The following HIVEP3 variants were observed in gnomAD, a reference collection of about 807,000 sequenced individuals.
HIVEP3 encodes the protein HIVEP zinc finger 3.
A neutral mutation model predicts 152.8 loss-of-function variants in HIVEP3; 49 were observed. The observed-to-expected ratio is 0.32, with a 90% CI of 0.26 to 0.41. The LOEUF is 0.41. Among genes scored for constraint, HIVEP3 ranks in the 10% least tolerant of loss-of-function variants. HIVEP3 has a pLI of 1.00. For synonymous variants in HIVEP3, 1,269 were observed against 1,289.0 expected, an observed-to-expected ratio of 0.98 and a Z score of 0.33; for missense variants, 2,790 against 3,103.3, an observed-to-expected ratio of 0.90 and a Z score of 2.40.
chr1:41,672,381 T>C (rs1282356263), intron 2 of HIVEP3, among the ~76,000 whole-genome samples: 1 of 152,198 alleles, frequency 6.6e-6, no homozygotes, highest in Non-Finnish European at 1.5e-5. Flanking sequence ...CCAGTTCCCA[T>C]GGGCAGTGTT....
At chr1:41,919,002 G>T (rs1644915905), upstream of HIVEP3, among the ~76,000 whole-genome samples, 1 of 152,248 alleles carries the variant, frequency 6.6e-6, no homozygotes, top group African/African-American at 2.4e-5. Context: ...CCCAGCGCAG[G>T]AAGCCAGTCC....
chr1:41,526,644 C>CACGCTACACACACACCCTCACA (rs143513765), intron 5 of HIVEP3, among the ~76,000 whole-genome samples: 1 of 47,952 alleles, frequency 2.1e-5, no homozygotes, highest in African/African-American at 8.0e-5. Context: ...CACCCTCACA[C>CACGCTACACACACACCCTCACA]CCCCACACTC....
chr1:41,900,565 A>G (rs1171807651), intron 1 of HIVEP3, among the ~76,000 whole-genome samples: 1 of 151,868 alleles, frequency 6.6e-6, no homozygotes, highest in Non-Finnish European at 1.5e-5. Context: ...GGGCCTCTCT[A>G]TCCCTTCCCT....
At chr1:41,544,875 A>ACCT (rs1558046509) in intron 5 of HIVEP3, among the ~76,000 whole-genome samples, 4 of 85,560 alleles carry the variant, frequency 4.7e-5, no homozygotes, top group Admixed American at 1.1e-4. Context: ...CACCACCACC[A>ACCT]CTACCACCTC....
intron 1 of HIVEP3, among the ~76,000 whole-genome samples, chr1:41,882,421 A>T (rs1644277215): frequency 6.6e-6 from 1 of 152,202 alleles, no homozygotes; most frequent in African/African-American, 2.4e-5. Context: ...ATGGGACAGG[A>T]GTTTCAAAAT....
intron 2 of HIVEP3, among the ~76,000 whole-genome samples, chr1:41,637,677 T>C (rs1645298045): frequency 1.3e-5 from 2 of 152,240 alleles, no homozygotes; most frequent in African/African-American, 4.8e-5. Flanking sequence ...ACCTGGGGGA[T>C]GCAATCTTGT....
At chr1:41,530,761 G>T (rs919522763) in intron 5 of HIVEP3, among the ~76,000 whole-genome samples, 9 of 152,168 alleles carry the variant, frequency 5.9e-5, no homozygotes, top group African/African-American at 2.2e-4. Context: ...AGGTGCCAGG[G>T]TCCATCTGCC....
intron 5 of HIVEP3, among the ~76,000 whole-genome samples, chr1:41,549,885 C>T (rs572232510): frequency 1.3e-5 from 2 of 152,260 alleles, no homozygotes; most frequent in Admixed American, 1.3e-4. Context: ...TTAATTAGAT[C>T]CCATTTGTCT....
chr1:41,670,166 C>A (rs1291078984), intron 2 of HIVEP3, among the ~76,000 whole-genome samples: 1 of 152,208 alleles, frequency 6.6e-6, no homozygotes, highest in Non-Finnish European at 1.5e-5. Context: ...GCATACCTCA[C>A]ACTTATTTGG....
At chr1:41,738,943 C>T (rs962588337) in intron 1 of HIVEP3, among the ~76,000 whole-genome samples, 1 of 152,208 alleles carries the variant, frequency 6.6e-6, no homozygotes, top group Non-Finnish European at 1.5e-5. Flanking sequence ...TGAACCATGG[C>T]GCCATTAGAC....
chr1:41,589,935 G>C (rs892636128), intron 3 of HIVEP3, among the ~76,000 whole-genome samples: 5 of 152,194 alleles, frequency 3.3e-5, no homozygotes, highest in African/African-American at 1.2e-4. Flanking sequence ...TAATACCTGG[G>C]AACCCAGGGC....
chr1:41,611,734 A>G (rs1429304913), intron 3 of HIVEP3, among the ~76,000 whole-genome samples: 2 of 152,172 alleles, frequency 1.3e-5, no homozygotes, highest in East Asian at 3.9e-4. Context: ...GCTTTCTCCC[A>G]CTGTCCTGGG....
At chr1:41,527,661 TCA>T (rs1396788480) in intron 5 of HIVEP3, among the ~76,000 whole-genome samples, 2 of 107,210 alleles carry the variant, frequency 1.9e-5, no homozygotes, top group Admixed American at 9.2e-5. Flanking sequence ...ACACCCGTTC[TCA>T]CACATTCACA....
chr1:41,545,803 T>TCAC lies in HIVEP3; in HGVS notation c.5208-20896_5208-20894dup, dbSNP rs1335122735. ...ACCACCACCACCACCATCACCACCATCACCACCACCACCACCACCACTACC... is the reference window on the plus strand; with the variant it reads ...ACCACCACCACCACCATCACCACCATCACCACCACCACCACCACCACCACTACC... On this transcript the variant is annotated intron_variant, in intron 5 of 8. Transcript: ENST00000372583. 5.1e-4 allele frequency among the ~76,000 whole-genome samples: 63 copies of TCAC among 122,896 alleles called. 2 individuals are homozygous for TCAC. The highest frequency in any genetic ancestry group is 3.0e-3 in the Admixed American group (39 of 13,144). 80.6% of individuals were successfully genotyped at this position (122,896 alleles called of 152,430 possible). A position where few individuals can be genotyped will look rare whatever the true frequency, so the allele number is the denominator to read the frequency against.
chr1:41,946,403 G>A (rs555152796), intron 1 of HIVEP3, among the ~76,000 whole-genome samples: 66 of 152,270 alleles, frequency 4.3e-4, no homozygotes, highest in South Asian at 8.3e-4. Context: ...GGACACTGGC[G>A]CAGCCTTCTC....
chr1:41,803,944 A>C (rs1206014447), intron 1 of HIVEP3, among the ~76,000 whole-genome samples: 1 of 152,216 alleles, frequency 6.6e-6, no homozygotes, highest in East Asian at 1.9e-4. Context: ...CTTCATTGTT[A>C]GGAAGCACAG....
intron 1 of HIVEP3, among the ~76,000 whole-genome samples, chr1:42,013,914 T>C (rs1645506669): frequency 6.6e-6 from 1 of 152,192 alleles, no homozygotes; most frequent in African/African-American, 2.4e-5. Context: ...CCTCTACCCA[T>C]GTATGGCAAC....
chr1:41,747,439 G>C (rs1450846579), intron 1 of HIVEP3, among the ~76,000 whole-genome samples: 1 of 152,144 alleles, frequency 6.6e-6, no homozygotes, highest in Non-Finnish European at 1.5e-5. Flanking sequence ...TTCTGGCAGG[G>C]GGATGAGGAA....
At chr1:41,648,067 CT>C (rs975479081) in intron 2 of HIVEP3, among the ~76,000 whole-genome samples, 1 of 152,246 alleles carries the variant, frequency 6.6e-6, no homozygotes, top group African/African-American at 2.4e-5. Context: ...AAAAGCCCCT[CT>C]TTCTACAGGT....
Sources: allele counts gnomAD v4.1 joint callset (sites outside exome capture counted in the v4.1 genomes callset), GRCh38; gene constraint gnomAD v4.1.1; transcripts MANE v1.5; gene names NCBI Gene and HGNC (gene_info 2026-07-23, HGNC 2026-07-21).